The following LRRC4C variants were observed in gnomAD, a reference collection of about 807,000 sequenced individuals.
The protein encoded by LRRC4C is leucine-rich repeat-containing protein 4C.
Under a neutral mutation model 33.6 loss-of-function variants are expected in LRRC4C, and 5 were observed. The observed-to-expected ratio is 0.15, with a 90% CI of 0.08 to 0.31. The LOEUF (loss-of-function observed/expected upper bound fraction) is 0.31, where lower values mean the gene tolerates loss of function less well. Among genes scored for constraint, LRRC4C ranks in the 10% least tolerant of loss-of-function variants. LRRC4C has a pLI of 1.00. For missense variants in LRRC4C, 560 were observed against 796.7 expected (o/e 0.70, Z 3.58); for synonymous variants, 329 against 302.0 (o/e 1.09, Z -0.93).
intron 3 of LRRC4C, among the ~76,000 whole-genome samples, chr11:40,327,633 T>G (rs906641058): frequency 6.6e-6 from 1 of 152,100 alleles, no homozygotes; most frequent in African/African-American, 2.4e-5. Flanking sequence ...CAGTCAGCCA[T>G]TCCCTTAATA....
chr11:41,040,209 T>C (rs1344954502), intron 1 of LRRC4C, among the ~76,000 whole-genome samples: 1 of 151,588 alleles, frequency 6.6e-6, no homozygotes, highest in African/African-American at 2.4e-5. Context: ...TGAATCTCTG[T>C]GTATCCACAG....
At chr11:40,819,604 A>G (rs1286153882) in intron 2 of LRRC4C, among the ~76,000 whole-genome samples, 1 of 152,114 alleles carries the variant, frequency 6.6e-6, no homozygotes, top group Non-Finnish European at 1.5e-5. Context: ...ACATATATGT[A>G]GTTAAAAATT....
At chr11:41,166,234 A>C (rs1243920560) in intron 1 of LRRC4C, among the ~76,000 whole-genome samples, 2 of 152,190 alleles carry the variant, frequency 1.3e-5, no homozygotes, top group African/African-American at 4.8e-5. Context: ...GAAAATATTT[A>C]ATATATCTGT....
chr11:40,422,836 G>T (rs2137759493), intron 3 of LRRC4C, among the ~76,000 whole-genome samples: 1 of 152,226 alleles, frequency 6.6e-6, no homozygotes, highest in South Asian at 2.1e-4. Flanking sequence ...AACCAGTAGT[G>T]AGCTGAGCTA....
intron 1 of LRRC4C, among the ~76,000 whole-genome samples, chr11:41,454,743 A>G (rs1215558549): frequency 1.3e-5 from 2 of 152,162 alleles, no homozygotes; most frequent in African/African-American, 4.8e-5. Context: ...ATTTACAGAA[A>G]TACAGCTTTC....
intron 2 of LRRC4C, among the ~76,000 whole-genome samples, chr11:40,728,768 A>T (rs1947415158): frequency 6.6e-6 from 1 of 152,184 alleles, no homozygotes; most frequent in South Asian, 2.1e-4. Context: ...GATCATAAGA[A>T]CGTGCATATA....
At chr11:41,197,411 C>G (rs1946225677) in intron 1 of LRRC4C, among the ~76,000 whole-genome samples, 1 of 151,972 alleles carries the variant, frequency 6.6e-6, no homozygotes, top group Non-Finnish European at 1.5e-5. Context: ...TAAAAAATAA[C>G]TGTTGGGAAA....
chr11:40,642,737 G>A (rs928903302), intron 3 of LRRC4C, among the ~76,000 whole-genome samples: 4 of 151,962 alleles, frequency 2.6e-5, no homozygotes, highest in Non-Finnish European at 5.9e-5. Flanking sequence ...TGCAAGCTCC[G>A]ACTATCTAAG....
At chr11:40,365,923 T>G (rs1948187969) in intron 3 of LRRC4C, among the ~76,000 whole-genome samples, 1 of 152,088 alleles carries the variant, frequency 6.6e-6, no homozygotes, top group Non-Finnish European at 1.5e-5. Context: ...ACATATACTG[T>G]CGTGCACACA....
chr11:40,535,577 G>C (rs914118489), intron 3 of LRRC4C, among the ~76,000 whole-genome samples: 4 of 152,160 alleles, frequency 2.6e-5, no homozygotes, highest in Non-Finnish European at 5.9e-5. Flanking sequence ...TGCCAACAAA[G>C]TTATTTGAAA....
At chr11:40,535,275 A>G (rs1956423883) in intron 3 of LRRC4C, among the ~76,000 whole-genome samples, 1 of 152,208 alleles carries the variant, frequency 6.6e-6, no homozygotes, top group Non-Finnish European at 1.5e-5. Flanking sequence ...GAAGCTTAAT[A>G]AAGGTAGCAT....
At chr11:41,227,646 C>T (rs574554304) in intron 1 of LRRC4C, among the ~76,000 whole-genome samples, 15 of 152,192 alleles carry the variant, frequency 9.9e-5, no homozygotes, top group African/African-American at 1.4e-4. Context: ...ACTATAGCCA[C>T]GTGTCTCTAC....
intron 2 of LRRC4C, among the ~76,000 whole-genome samples, chr11:40,883,141 T>C (rs1293248057): frequency 6.6e-6 from 1 of 152,106 alleles, no homozygotes; most frequent in Admixed American, 6.6e-5. Flanking sequence ...GTCTTTCCTT[T>C]GCCTTCCACA....
intron 1 of LRRC4C, among the ~76,000 whole-genome samples, chr11:41,411,138 C>T (rs1954460275): frequency 1.5e-5 from 1 of 64,930 alleles, no homozygotes; most frequent in African/African-American, 7.6e-5. Flanking sequence ...TTGGTTGGTA[C>T]CCTATTTTTT....
chr11:40,322,251 CT>C (rs562117201), intron 3 of LRRC4C, among the ~76,000 whole-genome samples: 9 of 149,776 alleles, frequency 6.0e-5, no homozygotes, highest in East Asian at 3.9e-4. Flanking sequence ...AAGAAATTCA[CT>C]TTTTTTTTTC....
At chr11:40,491,019 C>T (rs1954122540) in intron 3 of LRRC4C, among the ~76,000 whole-genome samples, 1 of 152,060 alleles carries the variant, frequency 6.6e-6, no homozygotes, top group Admixed American at 6.6e-5. Flanking sequence ...CACATTGGCT[C>T]ACACCTGCAA....
chr11:41,399,322 G>C (rs774171106), intron 1 of LRRC4C, among the ~76,000 whole-genome samples: 1 of 151,920 alleles, frequency 6.6e-6, no homozygotes, highest in African/African-American at 2.4e-5. Flanking sequence ...GCAACTTTTT[G>C]TTAGAAGTAT....
intron 1 of LRRC4C, among the ~76,000 whole-genome samples, chr11:41,120,525 G>A (rs1005437185): frequency 6.6e-6 from 1 of 152,042 alleles, no homozygotes; most frequent in Non-Finnish European, 1.5e-5. Flanking sequence ...GAGAAAGTGA[G>A]CTAGGTGCTT....
chr11:40,822,567 G>A (rs998711787), intron 2 of LRRC4C, among the ~76,000 whole-genome samples: 14 of 151,460 alleles, frequency 9.2e-5, no homozygotes, highest in African/African-American at 3.1e-4. Flanking sequence ...TATATATTCC[G>A]GTTATTAATT....
Sources: gnomAD v4.1 joint callset for allele counts (sites outside exome capture counted in the v4.1 genomes callset) on GRCh38, gnomAD v4.1.1 for gene constraint, MANE v1.5 for transcripts, NCBI Gene and HGNC (gene_info 2026-07-23, HGNC 2026-07-21) for gene names.